Variants in PKHD1 observed in about 807,000 individuals in gnomAD.
PKHD1 encodes PKHD1 ciliary IPT domain containing fibrocystin/polyductin.
In PKHD1, 291 loss-of-function variants were observed where a neutral mutation model predicts 412.0. The observed-to-expected ratio is 0.71, with a 90% CI of 0.64 to 0.78. The LOEUF (loss-of-function observed/expected upper bound fraction) is 0.78. Among genes scored for constraint, PKHD1 ranks in the 30% least tolerant of loss-of-function variants. PKHD1 has a pLI of 0.00. For synonymous variants in PKHD1, 1,777 were observed against 1,821.5 expected (o/e 0.98, Z 0.62); for missense variants, 4,825 against 4,950.7 (o/e 0.97, Z 0.76).
At chr6:51,833,711 T>C (rs1768676179) in intron 51 of PKHD1, among the ~76,000 whole-genome samples, 1 of 152,254 alleles carries the variant, frequency 6.6e-6, no homozygotes, top group Admixed American at 6.5e-5. Context: ...CAGATGACAG[T>C]GGTCCCAGTT....
Position 52,048,756 on chromosome 6 carries a change from G to T in PKHD1, c.2280-137C>A, listed in dbSNP as rs551914445. The T allele has an allele frequency of 4.9e-5, 47 of 961,514 alleles. No homozygotes were observed. In the African/African-American group the frequency reaches 6.8e-4, roughly 14 times the overall value. 59.6% of individuals were successfully genotyped at this position (961,514 alleles called of 1,614,324 possible). On this transcript the variant is annotated intron_variant, in intron 22 of 66. Coordinates refer to ENST00000371117, the MANE Select transcript of PKHD1 (RefSeq NM_138694.4). ...TAAGGGACCTGAGGAAACTCAGTAA[G>T]GGAGTTTTCAGGACCACTCGATGTG...
chr6:51,687,688 G>T (rs930736672), intron 60 of PKHD1, among the ~76,000 whole-genome samples: 8 of 152,298 alleles, frequency 5.3e-5, no homozygotes, highest in African/African-American at 1.9e-4. Context: ...AAGACAAAGT[G>T]AATTAATTAA....
At chr6:52,062,144 G>C (rs1341514166) in intron 14 of PKHD1, among the ~76,000 whole-genome samples, 1 of 152,156 alleles carries the variant, frequency 6.6e-6, no homozygotes, top group African/African-American at 2.4e-5. Context: ...TGTACCCAAA[G>C]GGCAAATTCT....
intron 60 of PKHD1, among the ~76,000 whole-genome samples, chr6:51,744,067 T>A (rs1006543394): frequency 1.3e-5 from 2 of 152,224 alleles, no homozygotes; most frequent in African/African-American, 4.8e-5. Context: ...ACACTGAGCA[T>A]GATGGCTGCT....
rs200992930 is a variant in PKHD1 at position 52,076,322 on chromosome 6, C to A, written c.402G>T (p.Ala134=). 8 of 1,611,900 alleles carry A rather than the reference C, an allele frequency of 5.0e-6. No individual in the cohort carries two copies. Among genetic ancestry groups the A allele is most frequent in the Non-Finnish European group, 6.8e-6 (8 of 1,178,190 alleles). ...AAACTTGGTGAACGATGGGTGTCTG[C>A]GCCTTGGAAAACTGTTTAGAAAATA... The part of the protein sequence containing the change: ...RDSCTFKFSK[A]QTPIVHQVYP... The change falls in exon 6 of 67, where the codon GCG becomes GCT. Residue 134 remains alanine (A), a synonymous_variant. Coordinates refer to ENST00000371117, the MANE Select transcript of PKHD1 (RefSeq NM_138694.4).
At chr6:51,778,101 A>C (rs935487371) in intron 53 of PKHD1, among the ~76,000 whole-genome samples, 7 of 128,812 alleles carry the variant, frequency 5.4e-5, no homozygotes, top group Non-Finnish European at 1.7e-5. Context: ...TTAAAGGCTG[A>C]GATCCTCATT....
intron 57 of PKHD1, among the ~76,000 whole-genome samples, chr6:51,749,649 A>T (rs1245006034): frequency 6.6e-6 from 1 of 152,194 alleles, no homozygotes; most frequent in African/African-American, 2.4e-5. Flanking sequence ...AGGTAGGTAC[A>T]ATTATTATCC....
At position 52,073,470 on chromosome 6, in the gene PKHD1, T is replaced by C. The variant is rs765459896; in HGVS notation, c.520A>G (p.Ile174Val). Residue 174 changes from isoleucine (I) to valine (V), a missense_variant, in exon 7 of 67, where the codon ATT becomes GTT. Physicochemically the swap from Ile to Val is conservative, Grantham distance 29. Coordinates refer to ENST00000371117, the MANE Select transcript of PKHD1 (RefSeq NM_138694.4). Reference protein sequence around the residue: ...LETFDFDAEYIDSPVILEAQG... With the variant: ...LETFDFDAEYVDSPVILEAQG... ...AAACAAACACACACTTACCTATCAA[T>C]GTACTCAGCATCAAAATCAAAAGTT... 5.0e-6 allele frequency: 8 copies of C among 1,592,140 alleles called. No homozygotes were observed. The highest frequency in any genetic ancestry group is 6.9e-6 in the Non-Finnish European group (8 of 1,160,118).
At chr6:51,681,620 T>A (rs1414833208) in intron 60 of PKHD1, among the ~76,000 whole-genome samples, 1 of 152,054 alleles carries the variant, frequency 6.6e-6, no homozygotes, top group East Asian at 1.9e-4. Flanking sequence ...CTTATTGGTA[T>A]CTTAATGACT....
At chr6:51,752,250 G>A (rs781341131) in intron 57 of PKHD1, among the ~76,000 whole-genome samples, 2 of 152,144 alleles carry the variant, frequency 1.3e-5, no homozygotes, top group Non-Finnish European at 2.9e-5. Context: ...GACATTTGGA[G>A]CCAGATACTC....
chr6:51,861,287 A>G (rs1774148186), intron 48 of PKHD1, among the ~76,000 whole-genome samples: 1 of 152,238 alleles, frequency 6.6e-6, no homozygotes, highest in South Asian at 2.1e-4. Context: ...TTAGGCAATC[A>G]ATAATACCAA....
At chr6:51,763,125 A>G (rs1313215363) in intron 55 of PKHD1, among the ~76,000 whole-genome samples, 1 of 152,118 alleles carries the variant, frequency 6.6e-6, no homozygotes, top group African/African-American at 2.4e-5. Flanking sequence ...ACGCAATGGA[A>G]TCAGACAAAT....
chr6:51,722,649 A>G (rs1269276802), intron 60 of PKHD1, among the ~76,000 whole-genome samples: 1 of 152,254 alleles, frequency 6.6e-6, no homozygotes, highest in Non-Finnish European at 1.5e-5. Flanking sequence ...CCACATTGTA[A>G]TATATAATCA....
At chr6:51,686,984 C>T (rs1249407228) in intron 60 of PKHD1, among the ~76,000 whole-genome samples, 2 of 152,140 alleles carry the variant, frequency 1.3e-5, no homozygotes, top group African/African-American at 4.8e-5. Flanking sequence ...AGGTACTCCA[C>T]TTTCTCTTGG....
At chr6:52,023,066 AC>A in intron 32 of PKHD1, 122 bp from the exon 33 acceptor site, 2 of 1,171,228 alleles carry the variant, frequency 1.7e-6, no homozygotes, top group Non-Finnish European at 2.5e-6. Context: ...CAGAATCCGC[AC>A]AACTGGCTTG....
rs193051039 is a variant in PKHD1, at chr6:51,928,328, T to A, written c.6121+5782A>T. ...TTTAAAGGACAAGAAAAAGGATCCATCAGAATACAGACGAAGGTAGTGACT... is the reference window on the plus strand; with the variant it reads ...TTTAAAGGACAAGAAAAAGGATCCAACAGAATACAGACGAAGGTAGTGACT... On this transcript the variant is annotated intron_variant, in intron 37 of 66. Coordinates refer to ENST00000371117, the MANE Select transcript of PKHD1 (RefSeq NM_138694.4). 1.3e-3 allele frequency among the ~76,000 whole-genome samples: 198 copies of A among 152,266 alleles called. 2 individuals are homozygous for A. The highest frequency in any genetic ancestry group is 4.6e-3 in the African/African-American group (191 of 41,562).
At chr6:51,667,889 T>C (rs1414653971) in intron 60 of PKHD1, among the ~76,000 whole-genome samples, 2 of 151,996 alleles carry the variant, frequency 1.3e-5, no homozygotes, top group African/African-American at 4.8e-5. Flanking sequence ...GGCTCTGTTC[T>C]GTTCCATTGA....
intron 60 of PKHD1, among the ~76,000 whole-genome samples, chr6:51,670,028 T>C (rs1481996869): frequency 2.0e-5 from 3 of 151,098 alleles, no homozygotes; most frequent in Non-Finnish European, 3.0e-5. Flanking sequence ...ATTCTGGTGA[T>C]TTGGGGTGGA....
At chr6:51,692,707 T>C (rs1778321681) in intron 60 of PKHD1, among the ~76,000 whole-genome samples, 1 of 152,138 alleles carries the variant, frequency 6.6e-6, no homozygotes, top group South Asian at 2.1e-4. Context: ...ACATCACCTA[T>C]CTTTTTTTTC....
Sources: gnomAD v4.1 joint callset for allele counts (sites outside exome capture counted in the v4.1 genomes callset) on GRCh38, gnomAD v4.1.1 for gene constraint, MANE v1.5 for transcripts, NCBI Gene and HGNC (gene_info 2026-07-23, HGNC 2026-07-21) for gene names.